RNF180: variants seen among roughly 807,000 people sequenced by gnomAD.
RNF180 encodes ring finger protein 180, also known as E3 ubiquitin-protein ligase RNF180.
Under a neutral mutation model 59.2 loss-of-function variants are expected in RNF180, and 38 were observed. The observed-to-expected ratio is 0.64, with a 90% CI of 0.50 to 0.84. The LOEUF is 0.84. RNF180 is among the 40% of genes least tolerant of loss of function. RNF180 has a pLI of 0.00. For missense variants in RNF180, 705 were observed against 700.9 expected, an observed-to-expected ratio of 1.01 and a Z score of -0.07; for synonymous variants, 262 against 240.3, an observed-to-expected ratio of 1.09 and a Z score of -0.84.
intron 7 of RNF180, among the ~76,000 whole-genome samples, chr5:64,345,968 T>C (rs1336491632): frequency 6.9e-6 from 1 of 145,114 alleles, no homozygotes; most frequent in Non-Finnish European, 1.5e-5. Flanking sequence ...TTCTAGGAAA[T>C]TACAGTTTGC....
intron 5 of RNF180, among the ~76,000 whole-genome samples, chr5:64,308,735 A>G (rs1245215359): frequency 6.6e-6 from 1 of 151,802 alleles, no homozygotes; most frequent in East Asian, 1.9e-4. Context: ...AGTTACCAGT[A>G]ACTTAAAATT....
intron 5 of RNF180, among the ~76,000 whole-genome samples, chr5:64,292,244 A>T (rs1276739106): frequency 2.0e-5 from 3 of 151,934 alleles, no homozygotes; most frequent in Non-Finnish European, 4.4e-5. Flanking sequence ...TTTTGCATTG[A>T]TTCTGTCTTA....
chr5:64,242,409 AT>A (rs1225771637), intron 5 of RNF180, among the ~76,000 whole-genome samples: 2 of 152,240 alleles, frequency 1.3e-5, no homozygotes, highest in African/African-American at 4.8e-5. Context: ...AAATGCATGT[AT>A]GAAGTGCCTG....
At chr5:64,309,634 CTT>C (rs948504379) in intron 5 of RNF180, among the ~76,000 whole-genome samples, 1 of 151,232 alleles carries the variant, frequency 6.6e-6, no homozygotes, top group Non-Finnish European at 1.5e-5. Context: ...TTGGAGATCT[CTT>C]GAACTGTTTA....
chr5:64,218,100 T>G (rs115909234), intron 5 of RNF180, among the ~76,000 whole-genome samples: 3,031 of 152,280 alleles, frequency 0.02, 39 homozygotes, highest in Admixed American at 0.034. Flanking sequence ...ATTTTTTTCC[T>G]GTAGAGCCAA....
At chr5:64,259,852 C>T (rs1327154406) in intron 5 of RNF180, among the ~76,000 whole-genome samples, 10 of 151,898 alleles carry the variant, frequency 6.6e-5, no homozygotes, top group Admixed American at 1.3e-4. Flanking sequence ...ACCCGGGAGG[C>T]GGAGGTTGTG....
intron 5 of RNF180, among the ~76,000 whole-genome samples, chr5:64,224,357 C>T (rs1269484633): frequency 6.6e-6 from 1 of 151,988 alleles, no homozygotes; most frequent in Admixed American, 6.6e-5. Flanking sequence ...CTATGCTGTC[C>T]AACACCTAAT....
At chr5:64,192,901 A>ATGTGTGTG (rs1417440310) in intron 1 of RNF180, among the ~76,000 whole-genome samples, 7 of 71,188 alleles carry the variant, frequency 9.8e-5, no homozygotes, top group African/African-American at 4.0e-4. Context: ...AAAGTGTGGC[A>ATGTGTGTG]TGTATATATA....
chr5:64,336,509 C>T (rs557647934), intron 7 of RNF180, among the ~76,000 whole-genome samples: 1 of 152,278 alleles, frequency 6.6e-6, no homozygotes, highest in Admixed American at 6.5e-5. Flanking sequence ...ATGTCTGGGT[C>T]ATAGGATATG....
At chr5:64,179,774 C>T (rs1392719158) in intron 1 of RNF180, among the ~76,000 whole-genome samples, 1 of 152,148 alleles carries the variant, frequency 6.6e-6, no homozygotes, top group South Asian at 2.1e-4. Flanking sequence ...AACTGCACAT[C>T]CATGGATAGA....
intron 1 of RNF180, among the ~76,000 whole-genome samples, chr5:64,167,773 TGC>T (rs1749728937): frequency 1.3e-5 from 2 of 152,170 alleles, no homozygotes; most frequent in African/African-American, 2.4e-5. Flanking sequence ...GGGGACAGTG[TGC>T]TTAGACTTAA....
intron 7 of RNF180, among the ~76,000 whole-genome samples, chr5:64,368,499 C>T (rs992120563): frequency 6.6e-5 from 10 of 151,758 alleles, no homozygotes; most frequent in Non-Finnish European, 1.5e-4. Context: ...AATCTCCTGA[C>T]TTCATATCCT....
chr5:64,170,556 C>T (rs1038153374), intron 1 of RNF180, among the ~76,000 whole-genome samples: 3 of 152,168 alleles, frequency 2.0e-5, no homozygotes, highest in African/African-American at 7.2e-5. Flanking sequence ...CTGGTTATGA[C>T]AGTATTATCC....
chr5:64,332,955 T>C (rs556644588), intron 7 of RNF180, among the ~76,000 whole-genome samples: 2 of 152,226 alleles, frequency 1.3e-5, no homozygotes, highest in South Asian at 4.1e-4. Flanking sequence ...CAAAAGGAGA[T>C]AGAAGCAGAG....
intron 1 of RNF180, among the ~76,000 whole-genome samples, chr5:64,187,933 G>A (rs562874584): frequency 6.6e-6 from 1 of 152,222 alleles, no homozygotes; most frequent in Non-Finnish European, 1.5e-5. Flanking sequence ...GCCATTTTAC[G>A]TTTTTGCAGC....
chr5:64,234,749 G>A (rs1333949586), intron 5 of RNF180, among the ~76,000 whole-genome samples: 5 of 150,738 alleles, frequency 3.3e-5, no homozygotes, highest in East Asian at 2.0e-4. Context: ...ACAGGCGCCC[G>A]CCACCACGCC....
At chr5:64,193,879 T>A (rs918883497) in intron 1 of RNF180, among the ~76,000 whole-genome samples, 1 of 152,160 alleles carries the variant, frequency 6.6e-6, no homozygotes, top group Admixed American at 6.5e-5. Context: ...TAATAAGAGT[T>A]GTCACTGTAG....
At chr5:64,292,007 GT>G (rs765595658) in intron 5 of RNF180, among the ~76,000 whole-genome samples, 36 of 151,932 alleles carry the variant, frequency 2.4e-4, no homozygotes, top group Non-Finnish European at 4.4e-4. Context: ...CTCTAAGCTG[GT>G]TTTTCTGGTT....
At chr5:64,330,512 G>A in intron 7 of RNF180, 106 bp downstream of exon 7, 1 of 1,062,978 alleles carries the variant, frequency 9.4e-7, no homozygotes, top group Non-Finnish European at 1.4e-6. Flanking sequence ...ACATATTTCT[G>A]TATTAATCAA....
Sources: gnomAD v4.1 joint callset for allele counts (sites outside exome capture counted in the v4.1 genomes callset) on GRCh38, gnomAD v4.1.1 for gene constraint, MANE v1.5 for transcripts, NCBI Gene and HGNC (gene_info 2026-07-23, HGNC 2026-07-21) for gene names.